SUV39H2: variants seen among roughly 807,000 people sequenced by gnomAD.
SUV39H2 encodes SUV39H2 histone lysine methyltransferase, also known as histone-lysine N-methyltransferase SUV39H2.
A neutral mutation model predicts 47.5 loss-of-function variants in SUV39H2; 10 were observed. The ratio of observed to expected loss-of-function variants is 0.21; its 90% CI spans 0.13 to 0.36. SUV39H2 has a LOEUF of 0.36. Ranked by LOEUF, SUV39H2 falls within the 10% of genes least tolerant of loss-of-function variation. SUV39H2 has a pLI of 1.00. For missense variants in SUV39H2, 266 were observed against 487.4 expected, an observed-to-expected ratio of 0.55 and a Z score of 4.28; for synonymous variants, 159 against 166.8, an observed-to-expected ratio of 0.95 and a Z score of 0.36.
intron 4 of SUV39H2, among the ~76,000 whole-genome samples, chr10:14,899,898 A>G (rs559292116): frequency 1.3e-5 from 2 of 152,316 alleles, no homozygotes; most frequent in Non-Finnish European, 1.5e-5. Flanking sequence ...AATAGGGTGT[A>G]TTTTACAAGA....
intron 1 of SUV39H2, 38 bp from the exon 2 acceptor site, chr10:14,881,462 C>G (rs1405367314): frequency 7.2e-7 from 1 of 1,389,492 alleles, no homozygotes; most frequent in Non-Finnish European, 9.4e-7. Flanking sequence ...AATTGAATAG[C>G]TATTTCATTA....
chr10:14,902,491 T>G lies in SUV39H2; in HGVS notation c.1212T>G (p.Thr404=), dbSNP rs144605484. 1.3e-6 allele frequency: 2 copies of G among 1,597,064 alleles called. No individual in the cohort carries two copies. The highest frequency in any genetic ancestry group is 1.7e-6 in the Non-Finnish European group (2 of 1,173,978). The stretch of plus-strand genomic sequence containing the variant: ...CAGTATGTAAATGTGGAGCTGTGAC[T>G]TGCAGAGGTTACCTCAACTGAACTT... ...VRTVCKCGAV[T]CRGYLN is the part of the protein sequence containing the mutation. The change falls in exon 6 of 6, where the codon ACT becomes ACG. Residue 404 remains threonine (T), a synonymous_variant. Transcript: ENST00000354919.
chr10:14,881,827 A>C (rs1001321281), intron 2 of SUV39H2, among the ~76,000 whole-genome samples, 182 bp downstream of exon 2: 1 of 152,250 alleles, frequency 6.6e-6, no homozygotes, highest in Non-Finnish European at 1.5e-5. Flanking sequence ...TTTGAAGCAT[A>C]AAGTGTTCTT....
intron 2 of SUV39H2, among the ~76,000 whole-genome samples, chr10:14,883,704 C>CAAAAAAAAAAAAAAAAAAA (rs58522342): frequency 2.0e-4 from 10 of 50,054 alleles, no homozygotes; most frequent in African/African-American, 2.8e-4. Flanking sequence ...GACTCAGTCT[C>CAAAAAAAAAAAAAAAAAAA]AAAAAAAAAA....
intron 2 of SUV39H2, among the ~76,000 whole-genome samples, chr10:14,894,172 C>T (rs540731618): frequency 6.6e-6 from 1 of 151,274 alleles, no homozygotes; most frequent in Non-Finnish European, 1.5e-5. Context: ...GGAAGAAATC[C>T]TTAGGCTTTA....
At chr10:14,881,938 G>C (rs956637508) in intron 2 of SUV39H2, among the ~76,000 whole-genome samples, 6 of 152,238 alleles carry the variant, frequency 3.9e-5, no homozygotes, top group East Asian at 3.9e-4. Flanking sequence ...ATTGTCTTTC[G>C]TTTTGTTCGT....
chr10:14,889,703 CA>C, intron 2 of SUV39H2, among the ~76,000 whole-genome samples: 1 of 152,140 alleles, frequency 6.6e-6, no homozygotes, highest in South Asian at 2.1e-4. Context: ...GAACCTTGAG[CA>C]AAGTGGAGGA....
At chr10:14,881,351 C>A (rs1379778187) in intron 1 of SUV39H2, 149 bp from the exon 2 acceptor site, 1 of 541,554 alleles carries the variant, frequency 1.8e-6, no homozygotes. Flanking sequence ...TTAACTTTTT[C>A]TTGAAGACAT....
At chr10:14,899,447 T>C in intron 3 of SUV39H2, 92 bp from the exon 4 acceptor site, 1 of 1,349,302 alleles carries the variant, frequency 7.4e-7, no homozygotes. Flanking sequence ...ACTTTTTAAA[T>C]ATTTGTAGGT....
At chr10:14,883,573 C>T (rs1248921195) in intron 2 of SUV39H2, among the ~76,000 whole-genome samples, 2 of 151,558 alleles carry the variant, frequency 1.3e-5, no homozygotes, top group African/African-American at 4.9e-5. Flanking sequence ...GGCATGGTGG[C>T]GGGCCCCTGT....
chr10:14,897,678 A>G (rs1462452434), intron 3 of SUV39H2, 161 bp downstream of exon 3: 5 of 565,420 alleles, frequency 8.8e-6, no homozygotes, highest in Non-Finnish European at 1.3e-5. Flanking sequence ...TCACTGGCAT[A>G]TTTAGAAATA....
At chr10:14,879,099 TC>T (rs1832959899) in intron 1 of SUV39H2, 180 bp downstream of exon 1, 3 of 1,268,706 alleles carry the variant, frequency 2.4e-6, no homozygotes. Context: ...CTGACCCGCC[TC>T]CCTGCCCGGC....
In SUV39H2 at chr10:14,904,154, A is replaced by C. The variant is rs956422486; in HGVS notation, c.*1642A>C. 4 of 151,712 alleles carry C rather than the reference A, an allele frequency of 2.6e-5. No homozygotes were observed. Among genetic ancestry groups the C allele is most frequent in the African/African-American group, 4.8e-5 (2 of 41,246 alleles). 9.4% of individuals were successfully genotyped at this position (151,712 alleles called of 1,614,324 possible). A position where few individuals can be genotyped will look rare whatever the true frequency, so the allele number is the denominator to read the frequency against. ...ACCCTGTCTCTACTGAAAATACAAAAATTAGCCGGGCGTGGTGGCACACGC... is the reference window on the plus strand; with the variant it reads ...ACCCTGTCTCTACTGAAAATACAAACATTAGCCGGGCGTGGTGGCACACGC... On this transcript the variant is annotated 3_prime_UTR_variant, in exon 6 of 6. Coordinates refer to ENST00000354919, the MANE Select transcript of SUV39H2 (RefSeq NM_001193424.2).
At chr10:14,892,522 A>G (rs1393708239) in intron 2 of SUV39H2, among the ~76,000 whole-genome samples, 4 of 152,154 alleles carry the variant, frequency 2.6e-5, no homozygotes, top group Non-Finnish European at 4.4e-5. Context: ...TCATCCTGCC[A>G]TGTTCCCTAC....
intron 2 of SUV39H2, among the ~76,000 whole-genome samples, chr10:14,885,294 A>T (rs765370172): frequency 6.6e-6 from 1 of 152,206 alleles, no homozygotes; most frequent in African/African-American, 2.4e-5. Context: ...TGGATTTTGC[A>T]CTAGTGTTCC....
intron 1 of SUV39H2, chr10:14,879,157 G>C (rs1339549452): frequency 8.3e-7 from 1 of 1,210,402 alleles, no homozygotes; most frequent in African/African-American, 1.6e-5. Context: ...GGGGCACTTC[G>C]GAAGTGGAGC....
intron 2 of SUV39H2, among the ~76,000 whole-genome samples, chr10:14,886,502 C>T (rs751787238): frequency 2.0e-5 from 3 of 152,298 alleles, no homozygotes; most frequent in East Asian, 3.9e-4. Flanking sequence ...CGGTACAGAA[C>T]GGGTGTTTGG....
intron 2 of SUV39H2, among the ~76,000 whole-genome samples, chr10:14,886,786 A>G (rs753776395): frequency 2.0e-4 from 31 of 152,254 alleles, no homozygotes; most frequent in Non-Finnish European, 1.2e-4. Context: ...TTGACAAAGA[A>G]ATAACCCGTT....
intron 1 of SUV39H2, among the ~76,000 whole-genome samples, chr10:14,880,854 C>T (rs1309169537): frequency 6.6e-6 from 1 of 152,058 alleles, no homozygotes; most frequent in Non-Finnish European, 1.5e-5. Context: ...TCGATATACT[C>T]CATTTTTTTA....
Sources: gnomAD v4.1 joint callset for allele counts (sites outside exome capture counted in the v4.1 genomes callset) on GRCh38, gnomAD v4.1.1 for gene constraint, MANE v1.5 for transcripts, NCBI Gene and HGNC (gene_info 2026-07-23, HGNC 2026-07-21) for gene names.